ZBTB7C: variants seen among roughly 807,000 people sequenced by gnomAD.
The protein encoded by ZBTB7C is zinc finger and BTB domain-containing protein 7C.
ZBTB7C carries 8 observed loss-of-function variants against 25.7 expected under a neutral mutation model. That is an observed-to-expected ratio of 0.31 (90% CI 0.18 to 0.56). The LOEUF (loss-of-function observed/expected upper bound fraction) is 0.56, where lower values mean the gene tolerates loss of function less well. Ranked by LOEUF, ZBTB7C falls within the 20% of genes least tolerant of loss-of-function variation. The probability of loss-of-function intolerance (pLI) is 0.91; values close to 1 mark genes in which losing one functional copy is unlikely to be tolerated. For synonymous variants in ZBTB7C, 394 were observed against 369.0 expected (o/e 1.07, Z -0.78); for missense variants, 824 against 855.2 (o/e 0.96, Z 0.46).
chr18:48,082,735 G>A (rs1403434132), intron 3 of ZBTB7C, among the ~76,000 whole-genome samples: 1 of 152,180 alleles, frequency 6.6e-6, no homozygotes, highest in Non-Finnish European at 1.5e-5. Flanking sequence ...CAATGACCTT[G>A]CTGGGTGGGT....
chr18:48,100,090 C>A (rs1302333070), intron 3 of ZBTB7C, among the ~76,000 whole-genome samples: 6 of 152,216 alleles, frequency 3.9e-5, no homozygotes. Flanking sequence ...AACGCCCCCT[C>A]TCCTGGACAT....
chr18:48,267,260 T>C lies in ZBTB7C; in HGVS notation c.-79+70914A>G, dbSNP rs150419791. Among the ~76,000 whole-genome samples, 1,075 of 152,330 alleles carry C rather than the reference T, an allele frequency of 7.1e-3. 13 individuals carry two copies. The highest frequency in any genetic ancestry group is 0.025 in the African/African-American group (1,035 of 41,572). On this transcript the variant is annotated intron_variant, in intron 2 of 4. Coordinates refer to ENST00000590800, the MANE Select transcript of ZBTB7C (RefSeq NM_001318841.2). ...GTTTCTTGTCCAGGCCTTCCCACTG[T>C]CATCACTGACCAATCCCTGGCAACA...
At chr18:48,084,987 C>T (rs962250588) in intron 3 of ZBTB7C, among the ~76,000 whole-genome samples, 1 of 152,106 alleles carries the variant, frequency 6.6e-6, no homozygotes, top group Non-Finnish European at 1.5e-5. Context: ...TTGGGGCAAG[C>T]CAAACCTGTA....
intron 1 of ZBTB7C, among the ~76,000 whole-genome samples, chr18:48,360,387 A>C (rs1292015099): frequency 6.6e-6 from 1 of 152,210 alleles, no homozygotes; most frequent in Non-Finnish European, 1.5e-5. Context: ...GGATGGTGGT[A>C]GGCATGGGGG....
At chr18:48,317,390 C>T (rs960842797) in intron 2 of ZBTB7C, among the ~76,000 whole-genome samples, 1 of 152,174 alleles carries the variant, frequency 6.6e-6, no homozygotes, top group Non-Finnish European at 1.5e-5. Flanking sequence ...TCAACTTGTG[C>T]CTCAGCTCAG....
At chr18:48,245,156 C>G (rs938573162) in intron 2 of ZBTB7C, among the ~76,000 whole-genome samples, 15 of 148,172 alleles carry the variant, frequency 1.0e-4, no homozygotes, top group African/African-American at 3.8e-4. Flanking sequence ...AAAAGGAATT[C>G]AATAATGGCA....
At chr18:48,373,873 A>G (rs570575938) in intron 1 of ZBTB7C, among the ~76,000 whole-genome samples, 1 of 152,032 alleles carries the variant, frequency 6.6e-6, no homozygotes, top group East Asian at 1.9e-4. Flanking sequence ...AGGAAGGAGA[A>G]TGGCGTGAGC....
intron 2 of ZBTB7C, among the ~76,000 whole-genome samples, chr18:48,311,583 T>G (rs2045821241): frequency 6.6e-6 from 1 of 152,038 alleles, no homozygotes; most frequent in Non-Finnish European, 1.5e-5. Flanking sequence ...ATACAACAGA[T>G]GAGAAAACTG....
intron 3 of ZBTB7C, among the ~76,000 whole-genome samples, chr18:48,067,180 G>T (rs1218188867): frequency 6.6e-6 from 1 of 152,158 alleles, no homozygotes; most frequent in Non-Finnish European, 1.5e-5. Context: ...GAATGACTTG[G>T]AAAGGGTGGT....
At chr18:48,209,521 G>A (rs947724071) in intron 2 of ZBTB7C, among the ~76,000 whole-genome samples, 4 of 152,192 alleles carry the variant, frequency 2.6e-5, no homozygotes, top group African/African-American at 7.2e-5. Flanking sequence ...TTGGGAGGCC[G>A]AGGCAGGAGG....
chr18:48,208,578 G>A (rs568252065), intron 2 of ZBTB7C, among the ~76,000 whole-genome samples: 4 of 152,218 alleles, frequency 2.6e-5, no homozygotes, highest in Admixed American at 1.3e-4. Context: ...TTTACATATC[G>A]TTTAACTCCT....
At chr18:48,144,970 G>A (rs1263786892) in intron 3 of ZBTB7C, among the ~76,000 whole-genome samples, 3 of 152,148 alleles carry the variant, frequency 2.0e-5, no homozygotes, top group Non-Finnish European at 4.4e-5. Flanking sequence ...CTCTTTTTCA[G>A]TAGAGATTCA....
At chr18:48,210,842 A>T (rs1305903092) in intron 2 of ZBTB7C, among the ~76,000 whole-genome samples, 2 of 152,004 alleles carry the variant, frequency 1.3e-5, no homozygotes, top group African/African-American at 2.4e-5. Context: ...CTGTTTTTTT[A>T]AAAATTCCAT....
intron 1 of ZBTB7C, among the ~76,000 whole-genome samples, chr18:48,408,887 C>A (rs1375988340): frequency 6.6e-6 from 1 of 151,416 alleles, no homozygotes; most frequent in African/African-American, 2.4e-5. Flanking sequence ...GGCGCCCGCT[C>A]GCTGGCTCGC....
At chr18:48,107,556 C>A (rs1294691150) in intron 3 of ZBTB7C, among the ~76,000 whole-genome samples, 5 of 152,004 alleles carry the variant, frequency 3.3e-5, no homozygotes, top group Admixed American at 2.6e-4. Context: ...GGAAAAGGAA[C>A]CTGGAGATGT....
intron 4 of ZBTB7C, among the ~76,000 whole-genome samples, chr18:48,030,492 T>C (rs1473035943): frequency 6.6e-6 from 1 of 152,228 alleles, no homozygotes; most frequent in Non-Finnish European, 1.5e-5. Context: ...TTTCTTATCC[T>C]AAGCCTTGGG....
rs142319107 is a variant in ZBTB7C at position 48,170,109 on chromosome 18, G to A, written c.-17+15825C>T. Among the ~76,000 whole-genome samples, 574 of 152,250 alleles carry A rather than the reference G, an allele frequency of 3.8e-3. 3 individuals are homozygous for A. The highest frequency in any genetic ancestry group is 6.9e-3 in the Non-Finnish European group (469 of 68,020). ...AGGCCAACTTCCCCCAGCAAAATCC[G>A]CCTTAAGGGTGCCCTCATGGCCTGT... On this transcript the variant is annotated intron_variant, in intron 3 of 4. Transcript: ENST00000590800.
At chr18:48,118,005 T>TC (rs2144704185) in intron 3 of ZBTB7C, among the ~76,000 whole-genome samples, 1 of 149,580 alleles carries the variant, frequency 6.7e-6, no homozygotes, top group East Asian at 2.0e-4. Context: ...CTTCTTCTTT[T>TC]TTTTTTTTTT....
rs374111016 is a variant in ZBTB7C, at chr18:48,318,576, T to A, written c.-79+19598A>T. On this transcript the variant is annotated intron_variant, in intron 2 of 4. Transcript: ENST00000590800. The stretch of plus-strand genomic sequence containing the variant: ...CGTCCTCCCTCTGGTCCAGCCCAGC[T>A]CACAGGAGCCCAACACTGGGCTTGG... Among the ~76,000 whole-genome samples, 62 of 152,310 alleles carry A rather than the reference T, an allele frequency of 4.1e-4. No individual in the cohort carries two copies. The South Asian group carries it at 0.012, about 30-fold the overall frequency.
Sources: allele counts gnomAD v4.1 joint callset (sites outside exome capture counted in the v4.1 genomes callset), GRCh38; gene constraint gnomAD v4.1.1; transcripts MANE v1.5; gene names NCBI Gene and HGNC (gene_info 2026-07-23, HGNC 2026-07-21).